The following IQCM variants were observed in gnomAD, a reference collection of about 807,000 sequenced individuals.
The protein encoded by IQCM is IQ domain-containing protein M.
In IQCM, 45 loss-of-function variants were observed where a neutral mutation model predicts 57.6. The ratio of observed to expected loss-of-function variants is 0.78; its 90% CI spans 0.62 to 1.00. The LOEUF is 1.00. Ranked by LOEUF, IQCM falls within the 50% of genes least tolerant of loss-of-function variation. The probability of loss-of-function intolerance (pLI) is 0.00; values close to 1 mark genes in which losing one functional copy is unlikely to be tolerated. For missense variants in IQCM, 468 were observed against 511.6 expected (o/e 0.91, Z 0.82); for synonymous variants, 148 against 158.9 (o/e 0.93, Z 0.51).
intron 2 of IQCM, among the ~76,000 whole-genome samples, chr4:149,759,126 C>T (rs1025429632): frequency 6.6e-6 from 1 of 152,094 alleles, no homozygotes; most frequent in African/African-American, 2.4e-5. Context: ...ATGGAAGAAA[C>T]TTAAATGCAC....
intron 12 of IQCM, among the ~76,000 whole-genome samples, chr4:149,535,943 A>G (rs1187306130): frequency 6.6e-6 from 1 of 152,008 alleles, no homozygotes; most frequent in Non-Finnish European, 1.5e-5. Context: ...GAGTTAAATA[A>G]TGTAAGATGA....
At chr4:149,517,315 T>G (rs1240332990) in intron 12 of IQCM, among the ~76,000 whole-genome samples, 2 of 152,200 alleles carry the variant, frequency 1.3e-5, no homozygotes, top group Non-Finnish European at 2.9e-5. Context: ...ACACTTGTAC[T>G]AAGAAAATAT....
At chr4:149,699,825 T>G (rs1025150821) in intron 5 of IQCM, among the ~76,000 whole-genome samples, 1 of 151,938 alleles carries the variant, frequency 6.6e-6, no homozygotes, top group African/African-American at 2.4e-5. Flanking sequence ...TAGGGACCTT[T>G]AGTTCACCAC....
At chr4:149,711,873 T>A (rs1015376647) in intron 5 of IQCM, among the ~76,000 whole-genome samples, 3 of 152,200 alleles carry the variant, frequency 2.0e-5, no homozygotes, top group African/African-American at 7.2e-5. Flanking sequence ...ATGTTATATG[T>A]CTTTGTGAAT....
chr4:149,678,089 G>A (rs1403430383), intron 7 of IQCM, among the ~76,000 whole-genome samples: 2 of 151,860 alleles, frequency 1.3e-5, no homozygotes, highest in African/African-American at 4.8e-5. Context: ...AGGGAGGTCA[G>A]CAAGAGCAAA....
At position 149,730,674 on chromosome 4, in the gene IQCM, CTT is replaced by C. The variant is rs1293189674; in HGVS notation, c.385+2568_385+2569del. 2.6e-5 allele frequency among the ~76,000 whole-genome samples: 4 copies of C among 152,162 alleles called. 1 individual carries two copies. Among genetic ancestry groups the C allele is most frequent in the Admixed American group, 2.6e-4 (4 of 15,266 alleles). On this transcript the variant is annotated intron_variant, in intron 5 of 13. Transcript: ENST00000636793. Reference sequence around the variant, plus strand: ...TTTATCTTTCAAAATTTACCAAAGACTTTAAATTTCCTGAGAATCTATTCCTG... The same window carrying C: ...TTTATCTTTCAAAATTTACCAAAGACTAAATTTCCTGAGAATCTATTCCTG...
At chr4:149,460,975 C>T (rs1284781601) in intron 12 of IQCM, among the ~76,000 whole-genome samples, 1 of 152,096 alleles carries the variant, frequency 6.6e-6, no homozygotes, top group Admixed American at 6.5e-5. Flanking sequence ...TGGCTCATGC[C>T]TGTAATCCCA....
chr4:149,583,578 C>CA (rs1253611398), intron 9 of IQCM, among the ~76,000 whole-genome samples: 5 of 151,234 alleles, frequency 3.3e-5, no homozygotes, highest in African/African-American at 4.8e-5. Context: ...CAGCTCACTG[C>CA]AAAAAAATAC....
At chr4:149,595,358 G>T (rs923114596) in intron 8 of IQCM, among the ~76,000 whole-genome samples, 1 of 151,856 alleles carries the variant, frequency 6.6e-6, no homozygotes, top group Non-Finnish European at 1.5e-5. Flanking sequence ...GATTTTCTCG[G>T]TTTTAAACAA....
chr4:149,647,839 C>G (rs1238712758), intron 7 of IQCM, among the ~76,000 whole-genome samples: 1 of 152,130 alleles, frequency 6.6e-6, no homozygotes, highest in Non-Finnish European at 1.5e-5. Flanking sequence ...TTTGCCATAT[C>G]CACAAGAGAA....
intron 12 of IQCM, among the ~76,000 whole-genome samples, chr4:149,508,821 C>T (rs1327474622): frequency 6.6e-6 from 1 of 152,002 alleles, no homozygotes; most frequent in African/African-American, 2.4e-5. Context: ...TGGCTGTGTC[C>T]CCACCCAAAT....
intron 13 of IQCM, among the ~76,000 whole-genome samples, chr4:149,385,082 C>T (rs368506355): frequency 2.6e-5 from 4 of 151,970 alleles, no homozygotes; most frequent in Admixed American, 2.6e-4. Context: ...GCCATTTATC[C>T]TAAAGGACTG....
At chr4:149,674,525 GT>G (rs1761582123) in intron 7 of IQCM, among the ~76,000 whole-genome samples, 1 of 152,120 alleles carries the variant, frequency 6.6e-6, no homozygotes. Flanking sequence ...TCTGGAGGAT[GT>G]GGCTATGCCT....
chr4:149,673,038 A>G (rs2202288), intron 7 of IQCM, among the ~76,000 whole-genome samples: 32,277 of 152,036 alleles, frequency 0.21, 4,264 homozygotes, highest in Non-Finnish European at 0.28. Context: ...CTTCATAAGT[A>G]AAGGAGAAAT....
chr4:149,475,640 A>T (rs980163177), intron 12 of IQCM, among the ~76,000 whole-genome samples: 3 of 152,100 alleles, frequency 2.0e-5, no homozygotes, highest in Non-Finnish European at 4.4e-5. Context: ...CTGAGGGGGG[A>T]AGAAGAAGCA....
At chr4:149,418,947 A>T (rs1733937099) in intron 13 of IQCM, among the ~76,000 whole-genome samples, 1 of 152,148 alleles carries the variant, frequency 6.6e-6, no homozygotes, top group Non-Finnish European at 1.5e-5. Flanking sequence ...GAAGTGAAGG[A>T]CCTCTTCAAG....
chr4:149,527,095 C>T (rs1746236549), intron 12 of IQCM, among the ~76,000 whole-genome samples: 1 of 152,154 alleles, frequency 6.6e-6, no homozygotes, highest in South Asian at 2.1e-4. Flanking sequence ...ATCAGCATAT[C>T]AACTTGCTAT....
At chr4:149,731,119 T>C (rs994129448) in intron 5 of IQCM, among the ~76,000 whole-genome samples, 10 of 152,170 alleles carry the variant, frequency 6.6e-5, no homozygotes, top group Non-Finnish European at 1.5e-5. Context: ...CTCCCCTTAT[T>C]ATGCTTCAAA....
At chr4:149,381,298 T>G (rs549565533) in intron 13 of IQCM, among the ~76,000 whole-genome samples, 5 of 152,218 alleles carry the variant, frequency 3.3e-5, no homozygotes, top group Admixed American at 1.3e-4. Flanking sequence ...CTGCCTCCTC[T>G]TCTCCCTTCA....
Sources: allele counts gnomAD v4.1 joint callset (sites outside exome capture counted in the v4.1 genomes callset), GRCh38; gene constraint gnomAD v4.1.1; transcripts MANE v1.5; gene names NCBI Gene and HGNC (gene_info 2026-07-23, HGNC 2026-07-21).